DHX57: variants seen among roughly 807,000 people sequenced by gnomAD.
DHX57 encodes putative ATP-dependent RNA helicase DHX57.
A neutral mutation model predicts 156.2 loss-of-function variants in DHX57; 105 were observed. The observed-to-expected ratio is 0.67, with a 90% CI of 0.57 to 0.79. DHX57 has a LOEUF of 0.79. Among genes scored for constraint, DHX57 ranks in the 30% least tolerant of loss-of-function variants. The pLI, the probability that DHX57 is intolerant of heterozygous loss-of-function variation, is 0.00. For missense variants in DHX57, 1,847 were observed against 1,661.9 expected (o/e 1.11, Z -1.94); for synonymous variants, 704 against 595.6 (o/e 1.18, Z -2.65).
Position 38,868,482 on chromosome 2 carries a change from T to C in DHX57, c.-6-71A>G, listed in dbSNP as rs914054318. 6 of 1,445,556 alleles carry C rather than the reference T, an allele frequency of 4.2e-6. No homozygotes were observed. The East Asian group carries it at 9.1e-5, about 22-fold the overall frequency. The allele number at this position is 1,445,556 out of a possible 1,614,324, so 89.5% of individuals were successfully genotyped here. A position where few individuals can be genotyped will look rare whatever the true frequency, so the allele number is the denominator to read the frequency against. On this transcript the variant is annotated intron_variant, in intron 1 of 23. Coordinates refer to ENST00000457308, the MANE Select transcript of DHX57 (RefSeq NM_198963.3). ...TATGATAATCCTTTGTTTGCCAAAC[T>C]TATGAATATAGGCTACTTTAAAGAA...
In DHX57 at chr2:38,871,191, T is replaced by C. The variant is rs185105484; in HGVS notation, c.-6-2780A>G. 1.5e-4 allele frequency among the ~76,000 whole-genome samples: 23 copies of C among 152,338 alleles called. 1 individual carries two copies. The highest frequency in any genetic ancestry group is 5.5e-4 in the African/African-American group (23 of 41,586). ...TTATTTGAAAACCAGTACAAAAGTA[T>C]TGTCTCTTCTTTTCTCTGAAATGAT... On this transcript the variant is annotated intron_variant, in intron 1 of 23. Coordinates refer to ENST00000457308, the MANE Select transcript of DHX57 (RefSeq NM_198963.3).
chr2:38,804,535 G>T (rs939905981), intron 22 of DHX57, among the ~76,000 whole-genome samples: 6 of 152,026 alleles, frequency 3.9e-5, no homozygotes, highest in African/African-American at 1.2e-4. Context: ...AAAACAATAA[G>T]TCCAATTATG....
chr2:38,813,347 G>A (rs1037464161), intron 21 of DHX57, among the ~76,000 whole-genome samples: 1 of 151,906 alleles, frequency 6.6e-6, no homozygotes, highest in South Asian at 2.1e-4. Context: ...ACAGATTTTG[G>A]GAACTGAAGG....
Position 38,854,182 on chromosome 2 carries a change from A to G in DHX57, c.1906-4T>C. 6.2e-7 allele frequency: 1 copy of G among 1,613,482 alleles called. No individual in the cohort carries two copies. Among genetic ancestry groups the G allele is most frequent in the Non-Finnish European group, 8.5e-7 (1 of 1,179,658 alleles). On this transcript the variant is annotated splice_polypyrimidine_tract_variant and splice_region_variant and intron_variant, in intron 8 of 23. Transcript: ENST00000457308. ...ATAACAGTCTGGTGGCTGAGGACTT[A>G]CACATGAAAGGGCAATATAAATCAT...
intron 12 of DHX57, among the ~76,000 whole-genome samples, chr2:38,838,321 GA>G (rs1161943946): frequency 6.6e-6 from 1 of 152,050 alleles, no homozygotes; most frequent in African/African-American, 2.4e-5. Context: ...GGCTGGTCTC[GA>G]ACTCCCAGGC....
chr2:38,840,053 C>G (rs1202963029), intron 12 of DHX57, among the ~76,000 whole-genome samples: 2 of 151,468 alleles, frequency 1.3e-5, no homozygotes, highest in East Asian at 3.9e-4. Flanking sequence ...TTCAAATGAT[C>G]TCTCACCTCA....
intron 13 of DHX57, among the ~76,000 whole-genome samples, chr2:38,836,104 A>C (rs538309331): frequency 6.6e-6 from 1 of 152,374 alleles, no homozygotes; most frequent in Admixed American, 6.5e-5. Flanking sequence ...ACTGCTTTTA[A>C]CTTCTATTAT....
At chr2:38,875,142 C>T (rs1297256098) in intron 1 of DHX57, among the ~76,000 whole-genome samples, 1 of 152,144 alleles carries the variant, frequency 6.6e-6, no homozygotes, top group East Asian at 1.9e-4. Flanking sequence ...TGTCCAATAC[C>T]ACTCTCCCAG....
chr2:38,814,636 A>T (rs1345909150), intron 20 of DHX57, among the ~76,000 whole-genome samples: 1 of 152,150 alleles, frequency 6.6e-6, no homozygotes, highest in Non-Finnish European at 1.5e-5. Flanking sequence ...AGAAAATTCT[A>T]CTGGAAGTCT....
chr2:38,818,850 G>T (rs1457549545), intron 19 of DHX57, 27 bp downstream of exon 19: 3 of 1,612,898 alleles, frequency 1.9e-6, no homozygotes, highest in Admixed American at 3.3e-5. Flanking sequence ...ATAAAAAAAT[G>T]AAGAAAAAGC....
intron 5 of DHX57, among the ~76,000 whole-genome samples, chr2:38,860,193 T>G (rs1480457613): frequency 2.0e-5 from 3 of 151,638 alleles, no homozygotes. Context: ...CTCACGCCTG[T>G]AATCCCAGCA....
chr2:38,848,076 CTG>C lies in DHX57; in HGVS notation c.2164+191_2164+192del, dbSNP rs371373890. Among the ~76,000 whole-genome samples the C allele has an allele frequency of 9.0e-4, 137 of 151,824 alleles. 3 individuals carry two copies. In the East Asian group the frequency reaches 0.023, roughly 25 times the overall value. ...CCAGCCTGGGTGACAGAGCGAGACT[CTG>C]TCTCAAAAAAAAAAATCTCCCAGCA... On this transcript the variant is annotated intron_variant, in intron 10 of 23. Transcript: ENST00000457308.
rs190909402 is a variant in DHX57 at position 38,815,732 on chromosome 2, T to C, written c.3472-77A>G. 29 of 1,575,324 alleles carry C rather than the reference T, an allele frequency of 1.8e-5. 1 individual carries two copies. The Admixed American group carries it at 2.4e-4, about 13-fold the overall frequency. On this transcript the variant is annotated intron_variant, in intron 19 of 23. Transcript: ENST00000457308. ...TAAGTCTTACAAAAATGAGTGATTA[T>C]AAAAATGCATTATTTCAGGGGGTAG...
At chr2:38,814,155 C>G (rs933623455) in intron 20 of DHX57, among the ~76,000 whole-genome samples, 2 of 152,146 alleles carry the variant, frequency 1.3e-5, no homozygotes, top group African/African-American at 4.8e-5. Flanking sequence ...CCAGGCTGGT[C>G]TCCAACTCTG....
At chr2:38,840,979 C>T (rs112808365) in intron 12 of DHX57, among the ~76,000 whole-genome samples, 4 of 152,196 alleles carry the variant, frequency 2.6e-5, no homozygotes, top group Admixed American at 6.5e-5. Flanking sequence ...CTACCATGCC[C>T]GGCTAATTTT....
rs368617816 is a variant in DHX57 at position 38,861,473 on chromosome 2, A to C, written c.937T>G (p.Cys313Gly). The C allele has an allele frequency of 3.7e-6, 6 of 1,613,936 alleles. No homozygotes were observed. Among genetic ancestry groups the C allele is most frequent in the Non-Finnish European group, 5.1e-6 (6 of 1,180,026 alleles). Residue 313 changes from cysteine (C) to glycine (G), a missense_variant, in exon 5 of 24, where the codon TGT becomes GGT. By Grantham distance (159) the Cys-to-Gly change is radical (BLOSUM62 -3). Coordinates refer to ENST00000457308, the MANE Select transcript of DHX57 (RefSeq NM_198963.3). ...AATCTGCATTTTGATCCAAATTTACAATTTCCTTTGAGGTAAAATTTACAG... is the reference window on the plus strand; with the variant it reads ...AATCTGCATTTTGATCCAAATTTACCATTTCCTTTGAGGTAAAATTTACAG... ...EICKFYLKGN[C>G]KFGSKCRFKH...
intron 23 of DHX57, among the ~76,000 whole-genome samples, chr2:38,802,218 A>G (rs1363477378): frequency 6.6e-6 from 1 of 151,220 alleles, no homozygotes; most frequent in Non-Finnish European, 1.5e-5. Flanking sequence ...TGGAACTCTT[A>G]CTAGGGCTCC....
intron 14 of DHX57, among the ~76,000 whole-genome samples, chr2:38,827,333 T>C (rs917066440): frequency 1.3e-5 from 2 of 149,894 alleles, no homozygotes; most frequent in Non-Finnish European, 3.0e-5. Flanking sequence ...CAGCAAAGAA[T>C]TATTCTTCCT....
chr2:38,812,485 G>A (rs1447844758), intron 21 of DHX57, among the ~76,000 whole-genome samples: 1 of 152,212 alleles, frequency 6.6e-6, no homozygotes, highest in Non-Finnish European at 1.5e-5. Flanking sequence ...GCACACTCAA[G>A]TAGGGTTTCC....
Sources: allele counts gnomAD v4.1 joint callset (sites outside exome capture counted in the v4.1 genomes callset), GRCh38; gene constraint gnomAD v4.1.1; transcripts MANE v1.5; gene names NCBI Gene and HGNC (gene_info 2026-07-23, HGNC 2026-07-21).